Variants in HS6ST1 observed in about 807,000 individuals in gnomAD.
HS6ST1 encodes the protein heparan-sulfate 6-O-sulfotransferase 1.
Under a neutral mutation model 25.2 loss-of-function variants are expected in HS6ST1, and 3 were observed. The observed-to-expected ratio is 0.12, with a 90% CI of 0.05 to 0.31. The LOEUF (loss-of-function observed/expected upper bound fraction) is 0.31, where lower values mean the gene tolerates loss of function less well. HS6ST1 is among the 10% of genes least tolerant of loss of function. The pLI is 1.00. For synonymous variants in HS6ST1, 204 were observed against 275.1 expected, an observed-to-expected ratio of 0.74 and a Z score of 2.56; for missense variants, 310 against 609.6, an observed-to-expected ratio of 0.51 and a Z score of 5.18.
chr2:128,269,972 T>C (rs1693587847), intron 1 of HS6ST1, among the ~76,000 whole-genome samples: 1 of 152,156 alleles, frequency 6.6e-6, no homozygotes, highest in Admixed American at 6.5e-5. Flanking sequence ...AACTGCCTGA[T>C]CTGACCGCAC....
intron 1 of HS6ST1, among the ~76,000 whole-genome samples, chr2:128,312,824 C>T (rs1469852952): frequency 3.9e-5 from 6 of 152,260 alleles, no homozygotes; most frequent in East Asian, 1.9e-4. Context: ...CTTTGGCAGG[C>T]GAAGTCGGGC....
chr2:128,306,905 G>A (rs907237964), intron 1 of HS6ST1, among the ~76,000 whole-genome samples: 3 of 152,258 alleles, frequency 2.0e-5, no homozygotes, highest in South Asian at 2.1e-4. Context: ...CAGCAGTGTC[G>A]TCACTGTCAT....
chr2:128,299,763 G>C (rs1388074251), intron 1 of HS6ST1, among the ~76,000 whole-genome samples: 2 of 152,216 alleles, frequency 1.3e-5, no homozygotes, highest in Non-Finnish European at 2.9e-5. Flanking sequence ...GTAGGGAGCT[G>C]TGGCTGAGAG....
intron 1 of HS6ST1, among the ~76,000 whole-genome samples, chr2:128,273,490 G>A (rs902486639): frequency 5.9e-5 from 9 of 152,220 alleles, no homozygotes; most frequent in East Asian, 1.9e-4. Context: ...CTGCCTGAAC[G>A]GTATGGAAGC....
chr2:128,268,380 G>A lies in HS6ST1; in HGVS notation c.1018C>T (p.Leu340Phe), dbSNP rs1197647986. Residue 340 changes from leucine to phenylalanine, a missense_variant, in exon 2 of 2, where the codon CTC (leucine) becomes TTC (phenylalanine). Leu to Phe is a conservative substitution (Grantham distance 22, BLOSUM62 0). Around this residue, in one of 5 missense-constraint regions of HS6ST1, gnomAD observed 140 missense variants for 176.5 expected, o/e 0.79. Coordinates refer to ENST00000259241, the MANE Select transcript of HS6ST1 (RefSeq NM_004807.3). Reference sequence around the variant, plus strand: ...TACAGCTGCATGTCCAGGTCGTTGAGCTCCTCGATGCGCCGGATGGTGTCT... The same window carrying A: ...TACAGCTGCATGTCCAGGTCGTTGAACTCCTCGATGCGCCGGATGGTGTCT... ...DEDTIRRIEE[L>F]NDLDMQLYDY... The A allele has an allele frequency of 2.5e-6, 4 of 1,613,684 alleles. No homozygotes were observed. The highest frequency in any genetic ancestry group is 3.4e-6 in the Non-Finnish European group (4 of 1,179,868).
intron 1 of HS6ST1, among the ~76,000 whole-genome samples, chr2:128,275,853 C>T (rs1693686825): frequency 1.3e-5 from 2 of 152,218 alleles, no homozygotes; most frequent in African/African-American, 2.4e-5. Context: ...CGCAGAGGAA[C>T]CTTGCTGTTC....
chr2:128,277,835 GC>G (rs1693718813), intron 1 of HS6ST1, among the ~76,000 whole-genome samples: 1 of 152,270 alleles, frequency 6.6e-6, no homozygotes, highest in Non-Finnish European at 1.5e-5. Flanking sequence ...ACGAACTGCA[GC>G]TTCTTGTGAA....
intron 1 of HS6ST1, among the ~76,000 whole-genome samples, chr2:128,317,088 T>C (rs79484039): frequency 0.023 from 3,460 of 152,292 alleles, 125 homozygotes; most frequent in African/African-American, 0.076. Flanking sequence ...CCGCAGGGCA[T>C]CCCTGCAGGA....
chr2:128,279,723 G>A (rs1316711005), intron 1 of HS6ST1, among the ~76,000 whole-genome samples: 2 of 152,160 alleles, frequency 1.3e-5, no homozygotes, highest in African/African-American at 2.4e-5. Flanking sequence ...TCAGGATCAG[G>A]AGTTCAAGGC....
At chr2:128,295,902 T>G (rs181436588) in intron 1 of HS6ST1, among the ~76,000 whole-genome samples, 1 of 152,342 alleles carries the variant, frequency 6.6e-6, no homozygotes, top group East Asian at 1.9e-4. Flanking sequence ...ACTGAATGTG[T>G]GTGTTCCACC....
At chr2:128,273,741 C>T (rs1693648633) in intron 1 of HS6ST1, among the ~76,000 whole-genome samples, 5 of 152,252 alleles carry the variant, frequency 3.3e-5, no homozygotes, top group Admixed American at 3.3e-4. Context: ...GCATGCGTTG[C>T]CAGACGCATC....
At chr2:128,312,756 A>C (rs1006048057) in intron 1 of HS6ST1, among the ~76,000 whole-genome samples, 1 of 152,176 alleles carries the variant, frequency 6.6e-6, no homozygotes, top group Admixed American at 6.5e-5. Context: ...TAAGAGAATA[A>C]ATTTAAAAAA....
intron 1 of HS6ST1, among the ~76,000 whole-genome samples, chr2:128,281,844 C>T (rs961552940): frequency 6.6e-6 from 1 of 152,206 alleles, no homozygotes; most frequent in Admixed American, 6.5e-5. Context: ...GAACTCCTGG[C>T]GCTTTACCCA....
intron 1 of HS6ST1, among the ~76,000 whole-genome samples, chr2:128,282,283 GAACCACTGTA>G (rs1693800360): frequency 6.6e-6 from 1 of 152,228 alleles, no homozygotes; most frequent in Non-Finnish European, 1.5e-5. Flanking sequence ...GTACTGGGCT[GAACCACTGTA>G]AACAGAAACT....
chr2:128,275,113 A>G (rs532444594), intron 1 of HS6ST1, among the ~76,000 whole-genome samples: 13 of 152,328 alleles, frequency 8.5e-5, no homozygotes, highest in African/African-American at 2.9e-4. Context: ...CCATGAAGAT[A>G]GAAAATAAAG....
At chr2:128,271,401 A>C (rs907778133) in intron 1 of HS6ST1, among the ~76,000 whole-genome samples, 10 of 152,140 alleles carry the variant, frequency 6.6e-5, no homozygotes, top group Non-Finnish European at 1.2e-4. Flanking sequence ...CCCTCGGTGG[A>C]AGGGCTGCTT....
At chr2:128,280,533 G>C (rs1693769609) in intron 1 of HS6ST1, among the ~76,000 whole-genome samples, 1 of 152,228 alleles carries the variant, frequency 6.6e-6, no homozygotes, top group Non-Finnish European at 1.5e-5. Context: ...GGCCTGGCTT[G>C]GCCCAAGGGC....
intron 1 of HS6ST1, among the ~76,000 whole-genome samples, chr2:128,311,039 G>A (rs1276519717): frequency 2.6e-5 from 4 of 152,086 alleles, no homozygotes; most frequent in Non-Finnish European, 4.4e-5. Flanking sequence ...GTGTGTGGGA[G>A]GCTTTTCCAC....
chr2:128,275,390 AAGAAATAGCACTATATGTTATTT>A (rs1281777774), intron 1 of HS6ST1, among the ~76,000 whole-genome samples: 5 of 152,218 alleles, frequency 3.3e-5, no homozygotes, highest in Non-Finnish European at 5.9e-5. Flanking sequence ...TCAATAAATT[AAGAAATAGCACTATATGTTATTT>A]AGAAATATGA....
Sources: gnomAD v4.1 joint callset for allele counts (sites outside exome capture counted in the v4.1 genomes callset) on GRCh38, gnomAD v4.1.1 for gene constraint, gnomAD v4.1.1 regional missense constraint, MANE v1.5 for transcripts, NCBI Gene and HGNC (gene_info 2026-07-23, HGNC 2026-07-21) for gene names.